LPAR1: variants seen among roughly 807,000 people sequenced by gnomAD.
LPAR1 encodes the protein LPA receptor 1.
In LPAR1, 5 loss-of-function variants were observed where a neutral mutation model predicts 23.8. That is an observed-to-expected ratio of 0.21 (90% CI 0.11 to 0.44). The LOEUF (loss-of-function observed/expected upper bound fraction) is 0.44, where lower values mean the gene tolerates loss of function less well. Ranked by LOEUF, LPAR1 falls within the 20% of genes least tolerant of loss-of-function variation. The pLI is 0.99. For synonymous variants in LPAR1, 160 were observed against 164.7 expected (o/e 0.97, Z 0.22); for missense variants, 311 against 482.8 (o/e 0.64, Z 3.33).
intron 5 of LPAR1, among the ~76,000 whole-genome samples, chr9:110,932,711 G>A (rs1417674598): frequency 6.6e-6 from 1 of 152,232 alleles, no homozygotes; most frequent in Non-Finnish European, 1.5e-5. Context: ...ATAGGAGTGT[G>A]AACCCTATTG....
At chr9:110,898,928 A>G (rs1013756584) in intron 5 of LPAR1, among the ~76,000 whole-genome samples, 4 of 152,242 alleles carry the variant, frequency 2.6e-5, no homozygotes, top group Admixed American at 6.5e-5. Flanking sequence ...AAAATGAGAT[A>G]ATTCCTTGTA....
intron 2 of LPAR1, among the ~76,000 whole-genome samples, chr9:111,013,066 A>G (rs1466734543): frequency 6.6e-6 from 1 of 152,208 alleles, no homozygotes; most frequent in Non-Finnish European, 1.5e-5. Flanking sequence ...ATTTGCTGCA[A>G]CAAGAACAAC....
chr9:110,885,802 C>G (rs1412538100), intron 5 of LPAR1, among the ~76,000 whole-genome samples: 2 of 152,202 alleles, frequency 1.3e-5, no homozygotes, highest in Non-Finnish European at 2.9e-5. Flanking sequence ...GTGGATCATG[C>G]CTATAATCCC....
chr9:110,886,420 GA>G (rs5899920), intron 5 of LPAR1, among the ~76,000 whole-genome samples: 1,659 of 117,136 alleles, frequency 0.014, 33 homozygotes, highest in African/African-American at 0.053. Flanking sequence ...ATAACCAAAG[GA>G]AAAAAAAAAA....
At chr9:110,951,621 A>C (rs1275971816) in intron 4 of LPAR1, among the ~76,000 whole-genome samples, 1 of 152,238 alleles carries the variant, frequency 6.6e-6, no homozygotes, top group East Asian at 1.9e-4. Flanking sequence ...AAAAATTACC[A>C]AGTTGGAAAA....
intron 2 of LPAR1, among the ~76,000 whole-genome samples, chr9:110,983,059 G>A (rs886717504): frequency 3.9e-5 from 6 of 152,070 alleles, no homozygotes; most frequent in African/African-American, 1.4e-4. Flanking sequence ...AGCACTGCTG[G>A]TGGGACCAAA....
At chr9:110,987,459 C>T (rs544333320) in intron 2 of LPAR1, among the ~76,000 whole-genome samples, 271 of 151,632 alleles carry the variant, frequency 1.8e-3, no homozygotes, top group African/African-American at 6.3e-3. Flanking sequence ...CCCCTACTCA[C>T]GAAATTATTC....
intron 5 of LPAR1, chr9:110,903,494 C>A (rs1000020812): frequency 1.3e-5 from 2 of 151,884 alleles, no homozygotes; most frequent in Non-Finnish European, 1.5e-5. Context: ...CTAAAAAGTA[C>A]AACAAATATA....
chr9:110,900,587 G>A (rs1464054692), intron 5 of LPAR1, among the ~76,000 whole-genome samples: 1 of 152,058 alleles, frequency 6.6e-6, no homozygotes, highest in Non-Finnish European at 1.5e-5. Flanking sequence ...TTCATCTAAG[G>A]AAGAACCAAG....
intron 5 of LPAR1, among the ~76,000 whole-genome samples, chr9:110,883,573 C>T (rs1344555276): frequency 6.6e-6 from 1 of 152,150 alleles, no homozygotes; most frequent in African/African-American, 2.4e-5. Flanking sequence ...TAAGCCCAAA[C>T]ATGTGACTAG....
intron 5 of LPAR1, among the ~76,000 whole-genome samples, chr9:110,889,181 G>A (rs1203205483): frequency 6.6e-6 from 1 of 152,104 alleles, no homozygotes; most frequent in Non-Finnish European, 1.5e-5. Flanking sequence ...CTAACAAGGT[G>A]AAACCCTGTC....
intron 5 of LPAR1, among the ~76,000 whole-genome samples, chr9:110,923,456 T>C (rs1342362461): frequency 6.6e-6 from 1 of 152,212 alleles, no homozygotes; most frequent in Non-Finnish European, 1.5e-5. Context: ...CAACACTTTA[T>C]TGTACAATAG....
At chr9:111,028,981 A>G (rs1315923600) in intron 2 of LPAR1, among the ~76,000 whole-genome samples, 1 of 152,170 alleles carries the variant, frequency 6.6e-6, no homozygotes, top group African/African-American at 2.4e-5. Context: ...TATTGTTGAA[A>G]TTTGCACCAT....
intron 5 of LPAR1, among the ~76,000 whole-genome samples, chr9:110,940,778 C>T (rs1261651771): frequency 1.3e-5 from 2 of 152,120 alleles, no homozygotes; most frequent in African/African-American, 4.8e-5. Flanking sequence ...AAAAACAATG[C>T]TTATTTAAAA....
chr9:110,899,842 T>A (rs146531588), intron 5 of LPAR1, among the ~76,000 whole-genome samples: 42 of 152,286 alleles, frequency 2.8e-4, no homozygotes, highest in Non-Finnish European at 4.7e-4. Flanking sequence ...GGACTGGTCA[T>A]TCCATTGTAA....
intron 2 of LPAR1, among the ~76,000 whole-genome samples, chr9:111,005,110 C>A: frequency 7.5e-6 from 1 of 134,160 alleles, no homozygotes; most frequent in East Asian, 2.3e-4. Context: ...TGCAGTTAGC[C>A]ATGATTACAA....
chr9:110,962,033 T>C (rs899295535), intron 4 of LPAR1, among the ~76,000 whole-genome samples: 3 of 152,208 alleles, frequency 2.0e-5, no homozygotes, highest in African/African-American at 7.2e-5. Flanking sequence ...ATTTGCCACC[T>C]TGTTTCTCCT....
At chr9:110,893,618 T>C (rs1670895258) in intron 5 of LPAR1, among the ~76,000 whole-genome samples, 1 of 152,246 alleles carries the variant, frequency 6.6e-6, no homozygotes, top group Non-Finnish European at 1.5e-5. Flanking sequence ...CTTTGAATTT[T>C]AATGTAAACA....
intron 2 of LPAR1, among the ~76,000 whole-genome samples, chr9:111,005,853 T>C (rs948428023): frequency 3.3e-5 from 5 of 152,310 alleles, no homozygotes; most frequent in African/African-American, 1.2e-4. Flanking sequence ...CCTTAATCAC[T>C]GCCACACACA....
Sources: gnomAD v4.1 joint callset for allele counts (sites outside exome capture counted in the v4.1 genomes callset) on GRCh38, gnomAD v4.1.1 for gene constraint, MANE v1.5 for transcripts, NCBI Gene and HGNC (gene_info 2026-07-23, HGNC 2026-07-21) for gene names.